The following ADIPOR2 variants were observed in gnomAD, a reference collection of about 807,000 sequenced individuals.
The protein encoded by ADIPOR2 is adiponectin receptor 2.
Under a neutral mutation model 40.9 loss-of-function variants are expected in ADIPOR2, and 18 were observed. The observed-to-expected ratio is 0.44, with a 90% CI of 0.30 to 0.65. ADIPOR2 has a LOEUF of 0.65. Among genes scored for constraint, ADIPOR2 ranks in the 30% least tolerant of loss-of-function variants. ADIPOR2 has a pLI of 0.09. For missense variants in ADIPOR2, 283 were observed against 479.2 expected (o/e 0.59, Z 3.82); for synonymous variants, 165 against 166.4 (o/e 0.99, Z 0.06).
At chr12:1,715,011 G>T (rs1592581970) in intron 1 of ADIPOR2, among the ~76,000 whole-genome samples, 1 of 151,990 alleles carries the variant, frequency 6.6e-6, no homozygotes, top group African/African-American at 2.4e-5. Context: ...GCTTGAAGGG[G>T]ACATAACCGA....
At chr12:1,781,477 T>C (rs985076190) in intron 6 of ADIPOR2, among the ~76,000 whole-genome samples, 1 of 152,200 alleles carries the variant, frequency 6.6e-6, no homozygotes, top group Non-Finnish European at 1.5e-5. Context: ...TTGTTTTATA[T>C]TTTTATTTTA....
Position 1,783,798 on chromosome 12 carries a change from T to A in ADIPOR2, c.839-82T>A, listed in dbSNP as rs750569848. 1.8e-4 allele frequency: 205 copies of A among 1,143,182 alleles called. No homozygotes were observed. The African/African-American group carries it at 2.3e-3, about 13-fold the overall frequency. 70.8% of individuals were successfully genotyped at this position (1,143,182 alleles called of 1,614,324 possible). A position where few individuals can be genotyped will look rare whatever the true frequency, so the allele number is the denominator to read the frequency against. On this transcript the variant is annotated intron_variant, in intron 6 of 7. Transcript: ENST00000357103. The stretch of plus-strand genomic sequence containing the variant: ...ACTTTGAAATATTCAGTTTACAGAG[T>A]TAATGGTGCTGTGCTGTAATACTGA...
intron 1 of ADIPOR2, among the ~76,000 whole-genome samples, chr12:1,734,966 G>A (rs1240048051): frequency 6.6e-6 from 1 of 152,066 alleles, no homozygotes; most frequent in Non-Finnish European, 1.5e-5. Context: ...CTCTGTTTTG[G>A]TACCAGTACC....
At chr12:1,739,958 C>T (rs570577065) in intron 1 of ADIPOR2, among the ~76,000 whole-genome samples, 51 of 147,886 alleles carry the variant, frequency 3.4e-4, no homozygotes, top group Non-Finnish European at 5.1e-4. Flanking sequence ...AAAAATTAAC[C>T]GGGCGTGGTG....
intron 1 of ADIPOR2, among the ~76,000 whole-genome samples, chr12:1,693,037 C>G (rs753827388): frequency 6.6e-6 from 1 of 152,092 alleles, no homozygotes; most frequent in African/African-American, 2.4e-5. Flanking sequence ...CTCTTGTTAT[C>G]CCAGCTGCCC....
intron 1 of ADIPOR2, among the ~76,000 whole-genome samples, chr12:1,708,116 C>G: frequency 6.7e-6 from 1 of 149,778 alleles, no homozygotes; most frequent in East Asian, 1.9e-4. Context: ...AGCATTTAAT[C>G]ATATTAGGTA....
In ADIPOR2 at chr12:1,786,190, G is replaced by A. The variant is rs957957987; in HGVS notation, c.*118G>A. 1 of 1,381,296 alleles carries A rather than the reference G, an allele frequency of 7.2e-7. No individual in the cohort carries two copies. Among genetic ancestry groups the A allele is most frequent in the Non-Finnish European group, 9.8e-7 (1 of 1,018,122 alleles). 85.6% of individuals were successfully genotyped at this position (1,381,296 alleles called of 1,614,324 possible). ...CCCCAAAACTTTGACAGCCTCGTGG[G>A]CTTTGTGACGGCCCAGTGGCTCTGC... On this transcript the variant is annotated 3_prime_UTR_variant, in exon 8 of 8. Coordinates refer to ENST00000357103, the MANE Select transcript of ADIPOR2 (RefSeq NM_024551.3).
chr12:1,769,941 AG>A (rs1044809055), intron 2 of ADIPOR2, among the ~76,000 whole-genome samples: 26 of 146,126 alleles, frequency 1.8e-4, no homozygotes, highest in African/African-American at 6.1e-4. Flanking sequence ...TTTTTGAGAC[AG>A]GGTGTAGCTC....
intron 1 of ADIPOR2, among the ~76,000 whole-genome samples, chr12:1,699,657 G>A (rs1006654239): frequency 1.3e-5 from 2 of 152,012 alleles, no homozygotes; most frequent in Admixed American, 1.3e-4. Flanking sequence ...GTCTTAAAAA[G>A]AAAAGAAAAA....
At chr12:1,757,360 G>T in intron 2 of ADIPOR2, 1 of 703,762 alleles carries the variant, frequency 1.4e-6, no homozygotes, top group Non-Finnish European at 2.6e-6. Flanking sequence ...ATGTTGGAAA[G>T]TTGAGTGGCA....
intron 1 of ADIPOR2, among the ~76,000 whole-genome samples, chr12:1,738,568 TAATAA>T (rs1271913682): frequency 6.6e-6 from 1 of 152,172 alleles, no homozygotes; most frequent in East Asian, 1.9e-4. Context: ...GAGCCTAAAA[TAATAA>T]AATAAAGGTA....
intron 1 of ADIPOR2, among the ~76,000 whole-genome samples, chr12:1,693,135 A>G (rs948281706): frequency 6.6e-6 from 1 of 152,220 alleles, no homozygotes; most frequent in Non-Finnish European, 1.5e-5. Flanking sequence ...AGTCTGGACA[A>G]CAAGAGCGAA....
intron 1 of ADIPOR2, among the ~76,000 whole-genome samples, chr12:1,735,572 T>C (rs540377750): frequency 3.0e-4 from 45 of 152,352 alleles, no homozygotes; most frequent in African/African-American, 9.6e-4. Context: ...CTTTTCCTAA[T>C]TGAATACCCT....
intron 3 of ADIPOR2, among the ~76,000 whole-genome samples, chr12:1,773,525 T>C (rs1385733578): frequency 1.3e-5 from 2 of 149,566 alleles, no homozygotes; most frequent in African/African-American, 5.1e-5. Context: ...TCTTTTTTTT[T>C]TTTTTTTTTT....
intron 1 of ADIPOR2, among the ~76,000 whole-genome samples, chr12:1,733,479 C>T (rs576433298): frequency 6.6e-6 from 1 of 152,166 alleles, no homozygotes; most frequent in South Asian, 2.1e-4. Flanking sequence ...ATTATCAGTA[C>T]AATTATTGGA....
chr12:1,698,805 A>G (rs2094644497), intron 1 of ADIPOR2, among the ~76,000 whole-genome samples: 1 of 152,210 alleles, frequency 6.6e-6, no homozygotes, highest in African/African-American at 2.4e-5. Flanking sequence ...CAGAAAGGTC[A>G]CAGCAATGTA....
intron 1 of ADIPOR2, among the ~76,000 whole-genome samples, chr12:1,752,192 G>A (rs867146055): frequency 1.7e-4 from 25 of 146,676 alleles, no homozygotes; most frequent in African/African-American, 5.3e-4. Context: ...GCCCCCCAAA[G>A]TGCTGGGATT....
At chr12:1,735,134 A>G (rs1351106383) in intron 1 of ADIPOR2, among the ~76,000 whole-genome samples, 3 of 152,166 alleles carry the variant, frequency 2.0e-5, no homozygotes, top group Non-Finnish European at 1.5e-5. Flanking sequence ...CTGTGAAGAA[A>G]GTCATTGGTA....
At chr12:1,707,851 A>G (rs2094666668) in intron 1 of ADIPOR2, among the ~76,000 whole-genome samples, 2 of 152,140 alleles carry the variant, frequency 1.3e-5, no homozygotes, top group Admixed American at 1.3e-4. Flanking sequence ...TCCTTTTATT[A>G]GATGAGGTGT....
Sources: gnomAD v4.1 joint callset for allele counts (sites outside exome capture counted in the v4.1 genomes callset) on GRCh38, gnomAD v4.1.1 for gene constraint, MANE v1.5 for transcripts, NCBI Gene and HGNC (gene_info 2026-07-23, HGNC 2026-07-21) for gene names.